The following HACD1 variants were observed in gnomAD, a reference collection of about 807,000 sequenced individuals.
The protein encoded by HACD1 is 3-hydroxyacyl-CoA dehydratase 1.
A neutral mutation model predicts 32.0 loss-of-function variants in HACD1; 41 were observed. The ratio of observed to expected loss-of-function variants is 1.28; its 90% CI spans 1.00 to 1.66. The LOEUF is 1.66. Ranked by LOEUF, HACD1 falls within the 40% of genes most tolerant of loss-of-function variation. HACD1 has a pLI of 0.00. For synonymous variants in HACD1, 142 were observed against 139.0 expected (o/e 1.02, Z -0.15); for missense variants, 396 against 380.1 (o/e 1.04, Z -0.35).
At position 17,609,423 on chromosome 10, in the gene HACD1, G is replaced by A. The variant is rs547836088; in HGVS notation, c.258-5376C>T. On this transcript the variant is annotated intron_variant, in intron 1 of 6. Transcript: ENST00000361271. ...TCGCCTCGCCCTCCTAAAGTGCTGG[G>A]ATTACAAGTGTGAGCCACCGTGCCC... 6.6e-5 allele frequency among the ~76,000 whole-genome samples: 10 copies of A among 152,138 alleles called. No homozygotes were observed. The South Asian group carries it at 2.1e-3, about 32-fold the overall frequency.
At chr10:17,595,212 A>T (rs1331345552) in intron 5 of HACD1, among the ~76,000 whole-genome samples, 1 of 152,188 alleles carries the variant, frequency 6.6e-6, no homozygotes, top group Admixed American at 6.6e-5. Flanking sequence ...GCATAAAATC[A>T]CAAATGACTG....
At chr10:17,602,016 A>G (rs1479433860) in intron 4 of HACD1, among the ~76,000 whole-genome samples, 1 of 152,010 alleles carries the variant, frequency 6.6e-6, no homozygotes, top group Non-Finnish European at 1.5e-5. Context: ...GAGGCTCTAA[A>G]GGCTGTCAAG....
At chr10:17,611,290 C>T (rs1260633296) in intron 1 of HACD1, among the ~76,000 whole-genome samples, 1 of 152,208 alleles carries the variant, frequency 6.6e-6, no homozygotes, top group African/African-American at 2.4e-5. Flanking sequence ...AGCCACCGCG[C>T]CCGGCCCAAG....
At chr10:17,605,689 C>T (rs782504291) in intron 1 of HACD1, among the ~76,000 whole-genome samples, 4 of 151,722 alleles carry the variant, frequency 2.6e-5, no homozygotes, top group South Asian at 4.1e-4. Flanking sequence ...CATAGTGGCT[C>T]ACCCCTGTAA....
intron 1 of HACD1, among the ~76,000 whole-genome samples, chr10:17,611,027 G>A (rs1483079337): frequency 7.9e-6 from 1 of 126,636 alleles, no homozygotes; most frequent in South Asian, 2.4e-4. Flanking sequence ...TTTTGAGACA[G>A]TCTCGCTCTG....
intron 1 of HACD1, among the ~76,000 whole-genome samples, chr10:17,605,918 C>T (rs1335215889): frequency 1.3e-5 from 2 of 151,952 alleles, no homozygotes; most frequent in African/African-American, 4.8e-5. Context: ...GGTGCCACTG[C>T]ACTCCAGCCT....
At position 17,590,434 on chromosome 10, in the gene HACD1, A is replaced by G. The variant is rs1554815477; in HGVS notation, c.797T>C (p.Leu266Pro). The G allele has an allele frequency of 6.3e-7, 1 of 1,589,938 alleles. No individual in the cohort carries two copies. The highest frequency in any genetic ancestry group is 2.3e-5 in the East Asian group (1 of 44,418). ...MASYIPLFPQ[L>P]YFHMLRQRRK... The stretch of plus-strand genomic sequence containing the variant: ...TCTTTGACGTAACATATGAAAATAG[A>G]GTTGTGGAAACACTTCATTGAAAAA... Residue 266 changes from leucine (L) to proline (P), a missense_variant, in exon 7 of 7, where the codon CTC (leucine) becomes CCC (proline). Physicochemically the swap from Leu to Pro is moderately conservative, Grantham distance 98 (BLOSUM62 -3). Coordinates refer to ENST00000361271, the MANE Select transcript of HACD1 (RefSeq NM_014241.4).
intron 5 of HACD1, among the ~76,000 whole-genome samples, chr10:17,596,792 T>G (rs1224393281): frequency 6.6e-6 from 1 of 152,166 alleles, no homozygotes; most frequent in Non-Finnish European, 1.5e-5. Context: ...ATGAAAAACC[T>G]AACTTAATAT....
chr10:17,592,853 A>C (rs1833946343), intron 6 of HACD1, among the ~76,000 whole-genome samples: 1 of 152,192 alleles, frequency 6.6e-6, no homozygotes, highest in African/African-American at 2.4e-5. Flanking sequence ...GTAGAAGACA[A>C]GGGGAAAACA....
At position 17,617,281 on chromosome 10, in the gene HACD1, G is replaced by A. The variant is rs1833106744; in HGVS notation, c.59C>T (p.Ala20Val). 3 of 1,464,322 alleles carry A rather than the reference G, an allele frequency of 2.0e-6. No homozygotes were observed. Among genetic ancestry groups the A allele is most frequent in the Admixed American group, 2.4e-5 (1 of 41,292 alleles). The allele number at this position is 1,464,322 out of a possible 1,614,324, so 90.7% of individuals were successfully genotyped here. A position where few individuals can be genotyped will look rare whatever the true frequency, so the allele number is the denominator to read the frequency against. ...AGSGSRAAGW[A>V]GSPPTLLPLS... ...CGGCAGGAGCGTGGGAGGGGACCCTGCCCAGCCTGCAGCCCGAGAGCCGCT... is the reference window on the plus strand; with the variant it reads ...CGGCAGGAGCGTGGGAGGGGACCCTACCCAGCCTGCAGCCCGAGAGCCGCT... Residue 20 changes from alanine to valine, a missense_variant, in exon 1 of 7, where the codon GCA (alanine) becomes GTA (valine). Physicochemically the swap from Ala to Val is moderately conservative, Grantham distance 64. Coordinates refer to ENST00000361271, the MANE Select transcript of HACD1 (RefSeq NM_014241.4).
chr10:17,601,597 T>G (rs1834071265), intron 4 of HACD1, among the ~76,000 whole-genome samples: 1 of 152,188 alleles, frequency 6.6e-6, no homozygotes, highest in African/African-American at 2.4e-5. Flanking sequence ...TAATGTTGTC[T>G]TTCTTCTTCA....
chr10:17,590,715 C>T (rs1367702039), intron 6 of HACD1, among the ~76,000 whole-genome samples: 2 of 152,130 alleles, frequency 1.3e-5, no homozygotes, highest in Non-Finnish European at 2.9e-5. Flanking sequence ...TCTATTGCCC[C>T]AGCTAGAGTG....
chr10:17,612,553 A>G (rs948471568), intron 1 of HACD1, among the ~76,000 whole-genome samples: 7 of 152,226 alleles, frequency 4.6e-5, no homozygotes, highest in African/African-American at 1.7e-4. Flanking sequence ...AAGGGAGATA[A>G]GGAGTATGTG....
Position 17,617,121 on chromosome 10 carries a change from G to A in HACD1, c.219C>T (p.Thr73=), listed in dbSNP as rs1284301862. The change falls in exon 1 of 7, where the codon ACC becomes ACT. Residue 73 remains threonine (T), a synonymous_variant. Coordinates refer to ENST00000361271, the MANE Select transcript of HACD1 (RefSeq NM_014241.4). ...GERRRLGVLA[T]AWLTFYDIAM... ...CGATGTCGTAGAAGGTGAGCCAGGC[G>A]GTGGCCAAGACCCCCAGGCGCCTCC... 1 of 1,504,226 alleles carries A rather than the reference G, an allele frequency of 6.6e-7. No individual in the cohort carries two copies. Among genetic ancestry groups the A allele is most frequent in the East Asian group, 2.8e-5 (1 of 35,290 alleles). 93.2% of individuals were successfully genotyped at this position (1,504,226 alleles called of 1,614,324 possible).
chr10:17,616,044 G>C (rs1417836413), intron 1 of HACD1: 1 of 190,834 alleles, frequency 5.2e-6, no homozygotes, highest in African/African-American at 2.4e-5. Flanking sequence ...CGAGGCGGGC[G>C]GATCATGAGG....
chr10:17,602,287 C>T (rs1013938285), intron 4 of HACD1, among the ~76,000 whole-genome samples: 3 of 151,990 alleles, frequency 2.0e-5, no homozygotes, highest in African/African-American at 4.8e-5. Flanking sequence ...CCAGGCTGGT[C>T]GCGAACTCCT....
intron 1 of HACD1, among the ~76,000 whole-genome samples, chr10:17,606,049 C>T (rs1248226617): frequency 1.3e-5 from 2 of 151,874 alleles, no homozygotes; most frequent in Non-Finnish European, 2.9e-5. Flanking sequence ...GCGGCACATG[C>T]CTGTGGTTCC....
chr10:17,599,246 G>A, intron 5 of HACD1, 44 bp downstream of exon 5: 1 of 1,604,992 alleles, frequency 6.2e-7, no homozygotes, highest in African/African-American at 1.3e-5. Context: ...CACAAAATAA[G>A]CATGCACAGG....
chr10:17,599,436 T>G (rs199718817), intron 4 of HACD1, 25 bp from the exon 5 acceptor site: 8 of 1,607,700 alleles, frequency 5.0e-6, no homozygotes, highest in African/African-American at 1.3e-5. Flanking sequence ...AGAAACCCAG[T>G]GTCATTCAAC....
Sources: gnomAD v4.1 joint callset for allele counts (sites outside exome capture counted in the v4.1 genomes callset) on GRCh38, gnomAD v4.1.1 for gene constraint, MANE v1.5 for transcripts, NCBI Gene and HGNC (gene_info 2026-07-23, HGNC 2026-07-21) for gene names.